The following CABIN1 variants were observed in gnomAD, a reference collection of about 807,000 sequenced individuals.
The protein encoded by CABIN1 is calcineurin-binding protein cabin-1.
CABIN1 carries 133 observed loss-of-function variants against 227.7 expected under a neutral mutation model. That is an observed-to-expected ratio of 0.58 (90% CI 0.51 to 0.67). The LOEUF (loss-of-function observed/expected upper bound fraction) is 0.67, where lower values mean the gene tolerates loss of function less well. CABIN1 is among the 30% of genes least tolerant of loss of function. The pLI, the probability that CABIN1 is intolerant of heterozygous loss-of-function variation, is 0.00. For synonymous variants in CABIN1, 1,086 were observed against 1,155.1 expected (o/e 0.94, Z 1.21); for missense variants, 2,408 against 2,852.5 (o/e 0.84, Z 3.55).
intron 28 of CABIN1, among the ~76,000 whole-genome samples, chr22:24,122,062 A>G (rs907884630): frequency 1.0e-4 from 7 of 67,704 alleles, no homozygotes; most frequent in South Asian, 1.2e-3. Flanking sequence ...CCACCCACCC[A>G]CCCTCCACTT....
rs139876337 is a variant in CABIN1 at position 24,072,990 on chromosome 22, A to T, written c.2632+480A>T. On this transcript the variant is annotated intron_variant, in intron 18 of 36. Coordinates refer to ENST00000263119, the MANE Select transcript of CABIN1 (RefSeq NM_012295.4). The stretch of plus-strand genomic sequence containing the variant: ...CCATACCCATATTGGGAATAATAAT[A>T]TCTACCTCAGAAGGTTATTCTGAGG... 2.4e-3 allele frequency among the ~76,000 whole-genome samples: 361 copies of T among 152,290 alleles called. 3 individuals are homozygous for T. Among genetic ancestry groups the T allele is most frequent in the African/African-American group, 8.4e-3 (350 of 41,556 alleles).
chr22:24,085,225 G>GT, intron 22 of CABIN1, 74 bp downstream of exon 22: 1 of 1,529,226 alleles, frequency 6.5e-7, no homozygotes, highest in Non-Finnish European at 9.0e-7. Context: ...AAGCTCTTCA[G>GT]TGGGCCACTT....
At chr22:24,141,726 G>A (rs911306230) in intron 29 of CABIN1, among the ~76,000 whole-genome samples, 7 of 152,134 alleles carry the variant, frequency 4.6e-5, no homozygotes, top group Non-Finnish European at 5.9e-5. Context: ...TTCCCACACC[G>A]GTAGCCAGTC....
intron 29 of CABIN1, among the ~76,000 whole-genome samples, chr22:24,153,436 A>G (rs867418279): frequency 1.3e-5 from 2 of 152,190 alleles, no homozygotes; most frequent in Non-Finnish European, 2.9e-5. Context: ...GGGTGCTGAC[A>G]GTGCCAGTAA....
chr22:24,017,814 G>T (rs2146481900), intron 1 of CABIN1, among the ~76,000 whole-genome samples: 1 of 150,512 alleles, frequency 6.6e-6, no homozygotes, highest in South Asian at 2.1e-4. Context: ...CTTAGCTTCA[G>T]CTTAAAGGAG....
chr22:24,036,318 C>T, intron 3 of CABIN1, 137 bp downstream of exon 3: 2 of 727,008 alleles, frequency 2.8e-6, no homozygotes, highest in South Asian at 1.4e-5. Flanking sequence ...AGCTCTCCAT[C>T]TCCTGTTAAA....
At chr22:24,012,288 T>C (rs1011225832) in intron 1 of CABIN1, among the ~76,000 whole-genome samples, 1 of 152,206 alleles carries the variant, frequency 6.6e-6, no homozygotes, top group Non-Finnish European at 1.5e-5. Context: ...GTTTTAATTT[T>C]ATATATTGTT....
chr22:24,068,977 C>T (rs1490805302), intron 16 of CABIN1, among the ~76,000 whole-genome samples: 7 of 152,238 alleles, frequency 4.6e-5, no homozygotes, highest in Non-Finnish European at 1.0e-4. Flanking sequence ...ACAAGAGACC[C>T]ATCAACAGAG....
At position 24,019,120 on chromosome 22, in the gene CABIN1, G is replaced by GTTTTTT. The variant is rs945660140; in HGVS notation, c.-75+7776_-75+7781dup. 2.0e-4 allele frequency among the ~76,000 whole-genome samples: 8 copies of GTTTTTT among 40,216 alleles called. 1 individual carries two copies. Among genetic ancestry groups the GTTTTTT allele is most frequent in the Admixed American group, 4.2e-4 (1 of 2,368 alleles). 26.4% of individuals were successfully genotyped at this position (40,216 alleles called of 152,430 possible). A position where few individuals can be genotyped will look rare whatever the true frequency, so the allele number is the denominator to read the frequency against. The stretch of plus-strand genomic sequence containing the variant: ...ATATTGTGCAACTTCACTGAGTGTT[G>GTTTTTT]TTTTTTTTTTTTTTTTTTTTTTTTT... On this transcript the variant is annotated intron_variant, in intron 1 of 36. Coordinates refer to ENST00000263119, the MANE Select transcript of CABIN1 (RefSeq NM_012295.4).
intron 12 of CABIN1, 56 bp downstream of exon 12, chr22:24,060,197 G>A: frequency 1.1e-5 from 17 of 1,511,756 alleles, no homozygotes; most frequent in East Asian, 2.3e-5. Context: ...CATGGGGACA[G>A]GGATCTTGCA....
chr22:24,112,431 G>A (rs543895538), intron 26 of CABIN1, among the ~76,000 whole-genome samples: 2 of 152,112 alleles, frequency 1.3e-5, no homozygotes, highest in African/African-American at 4.8e-5. Context: ...TGCTTAGTAG[G>A]GGAGCTGGTT....
chr22:24,164,849 A>C (rs1214240211), intron 30 of CABIN1, among the ~76,000 whole-genome samples: 1 of 150,562 alleles, frequency 6.6e-6, no homozygotes, highest in Non-Finnish European at 1.5e-5. Context: ...GCTTCCCCCA[A>C]CTCAGGGCTC....
intron 26 of CABIN1, among the ~76,000 whole-genome samples, chr22:24,105,695 A>G (rs1459959774): frequency 6.6e-6 from 1 of 152,106 alleles, no homozygotes; most frequent in Admixed American, 6.5e-5. Flanking sequence ...GCTCTCCTAC[A>G]TCAAAGAGGC....
chr22:24,080,772 G>T (rs1004315039), intron 19 of CABIN1, among the ~76,000 whole-genome samples: 22 of 152,184 alleles, frequency 1.4e-4, no homozygotes, highest in Admixed American at 4.6e-4. Context: ...CTAGTTTTTT[G>T]AATAATTTTT....
chr22:24,014,668 A>T (rs1047853903), intron 1 of CABIN1, among the ~76,000 whole-genome samples: 6 of 152,142 alleles, frequency 3.9e-5, no homozygotes, highest in African/African-American at 1.2e-4. Context: ...TTCCCCCTGC[A>T]TCCTAGCTGA....
chr22:24,107,826 C>T (rs567302263), intron 26 of CABIN1, among the ~76,000 whole-genome samples: 2 of 152,346 alleles, frequency 1.3e-5, no homozygotes, highest in South Asian at 2.1e-4. Context: ...GCTTGCCAGT[C>T]GGTGAAATCA....
intron 6 of CABIN1, among the ~76,000 whole-genome samples, chr22:24,047,799 T>C (rs1458522917): frequency 6.6e-6 from 1 of 152,252 alleles, no homozygotes; most frequent in Non-Finnish European, 1.5e-5. Flanking sequence ...TTTCTAGTTA[T>C]TCTTGATAGG....
At chr22:24,016,328 T>C (rs1051503370) in intron 1 of CABIN1, among the ~76,000 whole-genome samples, 1 of 152,248 alleles carries the variant, frequency 6.6e-6, no homozygotes, top group Non-Finnish European at 1.5e-5. Context: ...TTTCATTATT[T>C]TTATGGCTGA....
At chr22:24,065,996 AAG>A (rs898944894) in intron 15 of CABIN1, among the ~76,000 whole-genome samples, 22 of 152,196 alleles carry the variant, frequency 1.4e-4, no homozygotes, top group Non-Finnish European at 2.8e-4. Flanking sequence ...AGACCGTGGA[AAG>A]AGAGGGAGAG....
Sources: allele counts gnomAD v4.1 joint callset (sites outside exome capture counted in the v4.1 genomes callset), GRCh38; gene constraint gnomAD v4.1.1; transcripts MANE v1.5; gene names NCBI Gene and HGNC (gene_info 2026-07-23, HGNC 2026-07-21).